The following GRIP1 variants were observed in gnomAD, a reference collection of about 807,000 sequenced individuals.
GRIP1 encodes glutamate receptor-interacting protein 1.
Under a neutral mutation model 129.9 loss-of-function variants are expected in GRIP1, and 45 were observed. That is an observed-to-expected ratio of 0.35 (90% CI 0.27 to 0.44). The LOEUF is 0.44. Among genes scored for constraint, GRIP1 ranks in the 20% least tolerant of loss-of-function variants. The pLI is 1.00. For synonymous variants in GRIP1, 530 were observed against 520.8 expected (o/e 1.02, Z -0.24); for missense variants, 1,196 against 1,396.8 (o/e 0.86, Z 2.29).
chr12:66,935,041 A>ACTTT (rs1365814324), intron 1 of GRIP1, among the ~76,000 whole-genome samples: 4 of 152,218 alleles, frequency 2.6e-5, no homozygotes, highest in Non-Finnish European at 5.9e-5. Context: ...AACATGAGTT[A>ACTTT]AACACATTTC....
At chr12:66,507,675 T>C (rs532725422) in intron 7 of GRIP1, among the ~76,000 whole-genome samples, 2 of 152,330 alleles carry the variant, frequency 1.3e-5, no homozygotes, top group Non-Finnish European at 2.9e-5. Flanking sequence ...TGCTATTTTA[T>C]GTTTGCTCAA....
intron 1 of GRIP1, among the ~76,000 whole-genome samples, chr12:66,968,351 C>G (rs1200935245): frequency 6.6e-6 from 1 of 151,586 alleles, no homozygotes; most frequent in Non-Finnish European, 1.5e-5. Flanking sequence ...AAGTGGGCTT[C>G]TTGTAGACAA....
chr12:66,387,330 G>A (rs530318051), intron 19 of GRIP1, among the ~76,000 whole-genome samples: 11 of 152,348 alleles, frequency 7.2e-5, no homozygotes, highest in African/African-American at 2.6e-4. Flanking sequence ...ATAGCAGAGA[G>A]GAATTCTGTT....
At chr12:66,416,436 G>A (rs1162688086) in intron 15 of GRIP1, among the ~76,000 whole-genome samples, 1 of 152,018 alleles carries the variant, frequency 6.6e-6, no homozygotes, top group Non-Finnish European at 1.5e-5. Flanking sequence ...AATTTGAAAT[G>A]AAGAAAACAA....
At chr12:67,033,271 G>GTATATATATATATATATATATA in intron 1 of GRIP1, among the ~76,000 whole-genome samples, 1 of 143,032 alleles carries the variant, frequency 7.0e-6, no homozygotes, top group African/African-American at 2.5e-5. Flanking sequence ...AAGACTACAT[G>GTATATATATATATATATATATA]TATATATATA....
At chr12:66,862,179 T>C (rs1410403155) in intron 1 of GRIP1, among the ~76,000 whole-genome samples, 1 of 152,098 alleles carries the variant, frequency 6.6e-6, no homozygotes, top group African/African-American at 2.4e-5. Context: ...GCATTACTAG[T>C]GTTCACTCAA....
rs568625642 is a variant in GRIP1, at chr12:66,797,755, T to C, written c.-420+6298A>G. Among the ~76,000 whole-genome samples, 193 of 152,264 alleles carry C rather than the reference T, an allele frequency of 1.3e-3. 1 individual carries two copies. Among genetic ancestry groups the C allele is most frequent in the African/African-American group, 4.5e-3 (188 of 41,558 alleles). On this transcript the variant is annotated intron_variant, in intron 1 of 4. Coordinates refer to the GRIP1 transcript ENST00000538373. ...TAGAGACCTTAAGGACTGGAATTAGTGAATACAACCCTGAGAGGAGCCTCT... is the reference window on the plus strand; with the variant it reads ...TAGAGACCTTAAGGACTGGAATTAGCGAATACAACCCTGAGAGGAGCCTCT...
chr12:66,910,213 C>T (rs1460394685), intron 1 of GRIP1, among the ~76,000 whole-genome samples: 1 of 152,150 alleles, frequency 6.6e-6, no homozygotes, highest in East Asian at 1.9e-4. Context: ...GTCTTTCTGG[C>T]CAGTTTAATG....
intron 1 of GRIP1, among the ~76,000 whole-genome samples, chr12:66,777,954 AC>A (rs1445803189): frequency 6.6e-6 from 1 of 152,104 alleles, no homozygotes; most frequent in East Asian, 1.9e-4. Flanking sequence ...GCCACTAGCC[AC>A]TCATAGCTAA....
intron 1 of GRIP1, among the ~76,000 whole-genome samples, chr12:66,743,006 GC>G (rs2036835818): frequency 6.6e-6 from 1 of 152,068 alleles, no homozygotes; most frequent in Non-Finnish European, 1.5e-5. Context: ...AGAAACAGCA[GC>G]CTTTCCTGAT....
Position 66,422,585 on chromosome 12 carries a change from A to T in GRIP1, c.1769-1796T>A, listed in dbSNP as rs201766012. Among the ~76,000 whole-genome samples, 192 of 132,388 alleles carry T rather than the reference A, an allele frequency of 1.5e-3. 1 individual carries two copies. The highest frequency in any genetic ancestry group is 2.7e-3 in the African/African-American group (104 of 39,170). 86.9% of individuals were successfully genotyped at this position (132,388 alleles called of 152,430 possible). A position where few individuals can be genotyped will look rare whatever the true frequency, so the allele number is the denominator to read the frequency against. ...ACTCAATGTTTCCTTTGGCTTTTTT[A>T]AAAAAAATCCATGTTCCACTGAAAT... On this transcript the variant is annotated intron_variant, in intron 14 of 24. Transcript: ENST00000359742.
intron 1 of GRIP1, among the ~76,000 whole-genome samples, chr12:66,599,727 T>C (rs2064197186): frequency 6.6e-6 from 1 of 152,194 alleles, no homozygotes; most frequent in Non-Finnish European, 1.5e-5. Context: ...CTATCTTCTC[T>C]TGCGTCTCTA....
At chr12:66,842,009 T>C (rs971751683) in intron 1 of GRIP1, among the ~76,000 whole-genome samples, 3 of 152,196 alleles carry the variant, frequency 2.0e-5, no homozygotes, top group South Asian at 2.1e-4. Flanking sequence ...ATGATTTATC[T>C]ACCCTTGCCC....
At chr12:66,734,374 A>C (rs2036531983) in intron 1 of GRIP1, among the ~76,000 whole-genome samples, 1 of 152,106 alleles carries the variant, frequency 6.6e-6, no homozygotes, top group Non-Finnish European at 1.5e-5. Flanking sequence ...AAATGATCAG[A>C]CCTCCAAATT....
intron 1 of GRIP1, among the ~76,000 whole-genome samples, chr12:66,666,031 T>C (rs2033775398): frequency 6.6e-6 from 1 of 152,156 alleles, no homozygotes. Flanking sequence ...AACAGCCCTA[T>C]ACTTCCCTGC....
chr12:66,709,279 C>G lies in GRIP1; in HGVS notation c.-419-78943G>C, dbSNP rs547513980. On this transcript the variant is annotated intron_variant, in intron 1 of 4. Coordinates refer to the GRIP1 transcript ENST00000538373. ...CTCAGTGTGTTTTTATCAGTAACTT[C>G]AAAGAAAACTTCAAAAGCACTCTTA... Among the ~76,000 whole-genome samples the G allele has an allele frequency of 3.3e-5, 5 of 151,928 alleles. No homozygotes were observed. In the South Asian group the frequency reaches 1.0e-3, roughly 32 times the overall value.
chr12:66,730,154 C>T (rs2036387959), intron 1 of GRIP1, among the ~76,000 whole-genome samples: 1 of 152,116 alleles, frequency 6.6e-6, no homozygotes, highest in Non-Finnish European at 1.5e-5. Flanking sequence ...ATTATTACAC[C>T]TATTAGTAGT....
At position 66,377,581 on chromosome 12, in the gene GRIP1, C is replaced by T. The variant is rs554389518; in HGVS notation, c.2622-296G>A. Among the ~76,000 whole-genome samples, 32 of 150,612 alleles carry T rather than the reference C, an allele frequency of 2.1e-4. No individual in the cohort carries two copies. The South Asian group carries it at 5.9e-3, about 28-fold the overall frequency. Reference sequence around the variant, plus strand: ...GTCTCGATCTCCTGACTTCGTGATCCGCCCGCCTCGGCCTCCCAAAGTGCT... The same window carrying T: ...GTCTCGATCTCCTGACTTCGTGATCTGCCCGCCTCGGCCTCCCAAAGTGCT... On this transcript the variant is annotated intron_variant, in intron 20 of 24. Transcript: ENST00000359742.
chr12:66,942,744 A>G (rs1375142791), intron 1 of GRIP1, among the ~76,000 whole-genome samples: 5 of 152,264 alleles, frequency 3.3e-5, no homozygotes, highest in Non-Finnish European at 7.4e-5. Flanking sequence ...CTCAAAATTT[A>G]TATGTTGAAA....
Sources: gnomAD v4.1 joint callset for allele counts (sites outside exome capture counted in the v4.1 genomes callset) on GRCh38, gnomAD v4.1.1 for gene constraint, MANE v1.5 for transcripts, NCBI Gene and HGNC (gene_info 2026-07-23, HGNC 2026-07-21) for gene names.